The following EBPL variants were observed in gnomAD, a reference collection of about 807,000 sequenced individuals.
The protein encoded by EBPL is EBP like, also known as emopamil-binding protein-like.
EBPL carries 20 observed loss-of-function variants against 19.0 expected under a neutral mutation model. The ratio of observed to expected loss-of-function variants is 1.05; its 90% CI spans 0.74 to 1.53. The LOEUF is 1.53. Among genes scored for constraint, EBPL ranks in the 40% most tolerant of loss-of-function variants. The pLI, the probability that EBPL is intolerant of heterozygous loss-of-function variation, is 0.00. For synonymous variants in EBPL, 107 were observed against 117.0 expected, an observed-to-expected ratio of 0.91 and a Z score of 0.55; for missense variants, 219 against 261.1, an observed-to-expected ratio of 0.84 and a Z score of 1.11.
Position 49,660,992 on chromosome 13 carries a change from G to A in EBPL, c.597C>T (p.Thr199=). ...TTCACTGAAACTTCTTCACTGAACT[G>A]GTTTCTTTCTGATGCATTTTCTTGA... ...LELKKMHQKE[T]SSVKKFQ Residue 199 remains threonine (T), a synonymous_variant, in exon 4 of 4, where the codon ACC becomes ACT. Transcript: ENST00000242827. The A allele has an allele frequency of 1.2e-6, 2 of 1,613,638 alleles. No individual in the cohort carries two copies. The highest frequency in any genetic ancestry group is 1.7e-4 in the Middle Eastern group (1 of 6,060).
At chr13:49,663,249 C>T (rs764596735) in intron 2 of EBPL, 54 bp from the exon 3 acceptor site, 4 of 1,600,738 alleles carry the variant, frequency 2.5e-6, no homozygotes, top group Non-Finnish European at 3.4e-6. Flanking sequence ...TATGACAGTT[C>T]ATGGAAATGA....
At chr13:49,676,291 G>T (rs2137499072) in intron 1 of EBPL, among the ~76,000 whole-genome samples, 1 of 152,250 alleles carries the variant, frequency 6.6e-6, no homozygotes, top group Admixed American at 6.5e-5. Context: ...CTCCTCTTCG[G>T]TCTTTAAAAC....
intron 1 of EBPL, among the ~76,000 whole-genome samples, chr13:49,685,867 A>T (rs201874156): frequency 1.3e-5 from 2 of 150,266 alleles, no homozygotes; most frequent in Non-Finnish European, 3.0e-5. Context: ...AGAGAGAGAA[A>T]AAAAAAAAAA....
intron 2 of EBPL, among the ~76,000 whole-genome samples, chr13:49,667,787 T>C (rs1953755098): frequency 6.6e-6 from 1 of 152,210 alleles, no homozygotes; most frequent in African/African-American, 2.4e-5. Flanking sequence ...ACCCAGCTAG[T>C]TTTCACTTCT....
In EBPL at chr13:49,663,087, A is replaced by G; in HGVS notation, c.350T>C (p.Ile117Thr). ...ATATTTTTCTTTGACTATGGCATAAATGAGGAACAATGCCAGAGACCCATC... is the reference window on the plus strand; with the variant it reads ...ATATTTTTCTTTGACTATGGCATAAGTGAGGAACAATGCCAGAGACCCATC... Reference protein sequence around the residue: ...ALDGSLALFLIYAIVKEKYYR... With the variant: ...ALDGSLALFLTYAIVKEKYYR... Residue 117 changes from isoleucine (I) to threonine (T), a missense_variant, in exon 3 of 4, where the codon ATT becomes ACT. Physicochemically the swap from Ile to Thr is moderately conservative, Grantham distance 89. Transcript: ENST00000242827. 6.2e-7 allele frequency: 1 copy of G among 1,614,096 alleles called. No homozygotes were observed.
chr13:49,673,962 T>TACAC (rs56323070), intron 1 of EBPL, among the ~76,000 whole-genome samples: 1,799 of 143,340 alleles, frequency 0.013, 27 homozygotes, highest in East Asian at 0.054. Flanking sequence ...TGGAACTTAA[T>TACAC]ACACACACAC....
At chr13:49,674,450 C>T (rs1174766652) in intron 1 of EBPL, among the ~76,000 whole-genome samples, 1 of 152,076 alleles carries the variant, frequency 6.6e-6, no homozygotes, top group Non-Finnish European at 1.5e-5. Context: ...ATCGTGGAAA[C>T]CTGGGAAAAG....
chr13:49,678,304 G>A (rs1953900195), intron 1 of EBPL, among the ~76,000 whole-genome samples: 1 of 152,218 alleles, frequency 6.6e-6, no homozygotes, highest in Non-Finnish European at 1.5e-5. Context: ...CGTGGGCAGA[G>A]CTACCCGCCA....
At chr13:49,663,881 C>T (rs7991234) in intron 2 of EBPL, among the ~76,000 whole-genome samples, 31,242 of 150,566 alleles carry the variant, frequency 0.21, 3,598 homozygotes, top group Non-Finnish European at 0.26. Flanking sequence ...GCCGAGATTG[C>T]GCCACTGCAC....
intron 1 of EBPL, among the ~76,000 whole-genome samples, chr13:49,680,217 T>A (rs960111747): frequency 6.6e-6 from 1 of 152,144 alleles, no homozygotes; most frequent in Non-Finnish European, 1.5e-5. Context: ...GATCCCTGAC[T>A]GGACATGATG....
intron 1 of EBPL, among the ~76,000 whole-genome samples, chr13:49,683,578 C>A (rs1953966262): frequency 6.6e-6 from 1 of 152,024 alleles, no homozygotes; most frequent in African/African-American, 2.4e-5. Flanking sequence ...AAAAAACAAG[C>A]CTGAGCCACT....
chr13:49,677,386 C>T (rs1459064418), intron 1 of EBPL, among the ~76,000 whole-genome samples: 1 of 152,178 alleles, frequency 6.6e-6, no homozygotes, highest in African/African-American at 2.4e-5. Flanking sequence ...GGTGAGCCTG[C>T]CAATATCAGA....
intron 3 of EBPL, chr13:49,662,007 T>C (rs1965157758): frequency 2.2e-5 from 29 of 1,329,530 alleles, no homozygotes; most frequent in Non-Finnish European, 3.0e-5. Context: ...TCATCCTTTT[T>C]TTTTGAGACA....
At chr13:49,686,217 C>T (rs956086862) in intron 1 of EBPL, among the ~76,000 whole-genome samples, 3 of 152,224 alleles carry the variant, frequency 2.0e-5, no homozygotes, top group East Asian at 1.9e-4. Flanking sequence ...CTGCCTGCCG[C>T]GTCTGCACTT....
At chr13:49,668,355 C>T (rs143490917) in intron 2 of EBPL, 3,244 of 224,350 alleles carry the variant, frequency 0.014, 121 homozygotes, top group African/African-American at 0.072. Flanking sequence ...GGGCAGATCA[C>T]GAGGTCAGGA....
chr13:49,690,110 A>ACT (rs967045856), intron 1 of EBPL, among the ~76,000 whole-genome samples: 1 of 149,864 alleles, frequency 6.7e-6, no homozygotes. Context: ...AGATAGTGCC[A>ACT]CTACACTCCA....
intron 1 of EBPL, among the ~76,000 whole-genome samples, chr13:49,686,942 T>C (rs963607023): frequency 6.6e-6 from 1 of 152,124 alleles, no homozygotes; most frequent in Admixed American, 6.6e-5. Context: ...ATCACAGGCA[T>C]GCAGCACCAC....
At chr13:49,670,658 C>T (rs1035515512) in intron 1 of EBPL, among the ~76,000 whole-genome samples, 1 of 152,172 alleles carries the variant, frequency 6.6e-6, no homozygotes, top group Non-Finnish European at 1.5e-5. Flanking sequence ...CTATTTCCTT[C>T]GACTACTAGC....
chr13:49,675,000 C>G (rs1953861087), intron 1 of EBPL, among the ~76,000 whole-genome samples: 1 of 152,208 alleles, frequency 6.6e-6, no homozygotes, highest in Admixed American at 6.5e-5. Context: ...AGCCCAACAC[C>G]CAGCACTCTA....
Sources: gnomAD v4.1 joint callset for allele counts (sites outside exome capture counted in the v4.1 genomes callset) on GRCh38, gnomAD v4.1.1 for gene constraint, MANE v1.5 for transcripts, NCBI Gene and HGNC (gene_info 2026-07-23, HGNC 2026-07-21) for gene names.